The following ANGPTL4 variants were observed in gnomAD, a reference collection of about 807,000 sequenced individuals.
The protein encoded by ANGPTL4 is angiopoietin-related protein 4.
Under a neutral mutation model 39.2 loss-of-function variants are expected in ANGPTL4, and 39 were observed. That is an observed-to-expected ratio of 1.00 (90% CI 0.77 to 1.30). ANGPTL4 has a LOEUF of 1.30. Ranked by LOEUF, ANGPTL4 falls within the 50% of genes most tolerant of loss-of-function variation. ANGPTL4 has a pLI of 0.00. For missense variants in ANGPTL4, 545 were observed against 549.8 expected (o/e 0.99, Z 0.09); for synonymous variants, 233 against 229.5 (o/e 1.02, Z -0.14).
chr19:8,369,740 CACT>C (rs1971078060), intron 4 of ANGPTL4, among the ~76,000 whole-genome samples: 1 of 152,028 alleles, frequency 6.6e-6, no homozygotes, highest in African/African-American at 2.4e-5. Flanking sequence ...AGGCATTAGC[CACT>C]GCTCCTGGCC....
In ANGPTL4 at chr19:8,364,580, A is replaced by C; in HGVS notation, c.259A>C (p.Thr87Pro). ...GSACQGTEGS[T>P]DLPLAPESRV... ...CGCCTGTCAGGGAACCGAGGGGTCC[A>C]CCGACCTCCCGTTAGCCCCTGAGAG... Residue 87 changes from threonine (T) to proline (P), a missense_variant, in exon 1 of 7, where the codon ACC (threonine) becomes CCC (proline). Thr to Pro is a conservative substitution (Grantham distance 38, BLOSUM62 -1). Transcript: ENST00000301455. 1 of 1,588,988 alleles carries C rather than the reference A, an allele frequency of 6.3e-7. No individual in the cohort carries two copies. The highest frequency in any genetic ancestry group is 1.3e-5 in the African/African-American group (1 of 74,604).
chr19:8,372,682 T>C (rs1971147089), intron 6 of ANGPTL4, among the ~76,000 whole-genome samples: 1 of 151,984 alleles, frequency 6.6e-6, no homozygotes, highest in Non-Finnish European at 1.5e-5. Flanking sequence ...TGTTCCCATC[T>C]ACTTGGGAGG....
chr19:8,373,961 C>T lies in ANGPTL4; in HGVS notation c.*75C>T. ...CTCTGCCCGAGGATGTGGCCGTTCC[C>T]TGCCTGGGCAGGGGCTCCAAGGAGG... is the stretch of plus-strand genomic sequence containing the variant. On this transcript the variant is annotated 3_prime_UTR_variant, in exon 7 of 7. Coordinates refer to ENST00000301455, the MANE Select transcript of ANGPTL4 (RefSeq NM_139314.3). 1 of 1,547,028 alleles carries T rather than the reference C, an allele frequency of 6.5e-7. No homozygotes were observed. Among genetic ancestry groups the T allele is most frequent in the Non-Finnish European group, 8.9e-7 (1 of 1,128,008 alleles).
intron 4 of ANGPTL4, among the ~76,000 whole-genome samples, chr19:8,370,719 AAAG>A (rs1971098730): frequency 6.7e-6 from 1 of 148,410 alleles, no homozygotes. Flanking sequence ...AAAAAAAAAA[AAAG>A]AAAGCTTTTT....
intron 4 of ANGPTL4, among the ~76,000 whole-genome samples, chr19:8,370,065 T>A (rs112711963): frequency 0.15 from 22,237 of 151,810 alleles, 2,085 homozygotes; most frequent in Admixed American, 0.21. Flanking sequence ...TAGCCGGGCA[T>A]GGTGGTGTGC....
rs1312955953 is a variant in ANGPTL4, at chr19:8,371,396, AC to A, written c.914del (p.Thr305MetfsTer92). On this transcript the variant is annotated frameshift_variant, in exon 6 of 7. Coordinates refer to ENST00000301455, the MANE Select transcript of ANGPTL4 (RefSeq NM_139314.3). LOFTEE classifies it high-confidence loss of function. This position sits in a 1 kb window ranked among gnomAD's most constrained non-coding sequence, Gnocchi z 5.1. ...GGACACGGCCTATAGCCTGCAGCTCACTGCACCCGTGGCCGGCCAGCTGGGC... is the reference window on the plus strand; with the variant it reads ...GGACACGGCCTATAGCCTGCAGCTCATGCACCCGTGGCCGGCCAGCTGGGC... ...GEDTAYSLQL[T>X]APVAGQLGAT... 3 of 1,613,494 alleles carry A rather than the reference AC, an allele frequency of 1.9e-6. No individual in the cohort carries two copies. The highest frequency in any genetic ancestry group is 1.7e-5 in the Admixed American group (1 of 60,016).
chr19:8,366,432 T>C (rs12985515), intron 3 of ANGPTL4, 113 bp downstream of exon 3: 148,202 of 1,184,036 alleles, frequency 0.13, 10,861 homozygotes, highest in Non-Finnish European at 0.15. Flanking sequence ...TGGCCTGGAG[T>C]CCCTGAGGGC....
rs1441941813 is a variant in ANGPTL4 at position 8,371,223 on chromosome 19, T to C, written c.758-18T>C. 1 of 1,613,720 alleles carries C rather than the reference T, an allele frequency of 6.2e-7. No homozygotes were observed. Among genetic ancestry groups the C allele is most frequent in the South Asian group, 1.1e-5 (1 of 91,052 alleles). ...TCAGAAGTGGCCCTGCCTCATGGAG[T>C]GGCCTCTCCCACTCCAGGCGAGTTC... On this transcript the variant is annotated intron_variant, in intron 5 of 6. Coordinates refer to ENST00000301455, the MANE Select transcript of ANGPTL4 (RefSeq NM_139314.3). The surrounding 1 kb of genome is among the most constrained non-coding windows in gnomAD (Gnocchi z 5.1).
At position 8,371,293 on chromosome 19, in the gene ANGPTL4, C is replaced by G. The variant is rs1271417511; in HGVS notation, c.810C>G (p.Asn270Lys). The G allele has an allele frequency of 1.9e-6, 3 of 1,613,956 alleles. No individual in the cohort carries two copies. Among genetic ancestry groups the G allele is most frequent in the East Asian group, 2.2e-5 (1 of 44,880 alleles). ...TGCATAGCATCACGGGGGACCGCAA[C>G]AGCCGCCTGGCCGTGCAGCTGCGGG... The part of the protein sequence containing the change: ...EKVHSITGDR[N>K]SRLAVQLRDW... The change falls in exon 6 of 7, where the codon AAC becomes AAG. Residue 270 changes from asparagine to lysine, a missense_variant. Coordinates refer to ENST00000301455, the MANE Select transcript of ANGPTL4 (RefSeq NM_139314.3). The surrounding 1 kb of genome is among the most constrained non-coding windows in gnomAD (Gnocchi z 5.1).
chr19:8,372,648 G>C (rs1971146636), intron 6 of ANGPTL4, among the ~76,000 whole-genome samples: 1 of 151,896 alleles, frequency 6.6e-6, no homozygotes. Context: ...CAAAAAACTA[G>C]CTGGGCATGG....
In ANGPTL4 at chr19:8,371,457, C is replaced by T. The variant is rs1392985885; in HGVS notation, c.974C>T (p.Pro325Leu). ...TTVPPSGLSV[P>L]FSTWDQDHDL... ...GTCCCACCCAGCGGCCTCTCCGTAC[C>T]CTTCTCCACTTGGGACCAGGATCAC... is the stretch of plus-strand genomic sequence containing the variant. The change falls in exon 6 of 7, where the codon CCC becomes CTC. Residue 325 changes from proline to leucine, a missense_variant. Physicochemically the swap from Pro to Leu is moderately conservative, Grantham distance 98. Coordinates refer to ENST00000301455, the MANE Select transcript of ANGPTL4 (RefSeq NM_139314.3). The surrounding 1 kb of genome is among the most constrained non-coding windows in gnomAD (Gnocchi z 5.1). 1 of 1,613,362 alleles carries T rather than the reference C, an allele frequency of 6.2e-7. No homozygotes were observed. Among genetic ancestry groups the T allele is most frequent in the South Asian group, 1.1e-5 (1 of 91,082 alleles).
In ANGPTL4 at chr19:8,373,705, G is replaced by A. The variant is rs1971171740; in HGVS notation, c.1040G>A (p.Gly347Glu). 1 of 1,613,892 alleles carries A rather than the reference G, an allele frequency of 6.2e-7. No homozygotes were observed. The highest frequency in any genetic ancestry group is 8.5e-7 in the Non-Finnish European group (1 of 1,180,032). The change falls in exon 7 of 7, where the codon GGA (glycine) becomes GAA (glutamate). Residue 347 changes from glycine (G) to glutamate (E), a missense_variant and splice_region_variant. Gly to Glu is a moderately conservative substitution (Grantham distance 98, BLOSUM62 -2). Transcript: ENST00000301455. ...RDKNCAKSLS[G>E]GWWFGTCSHS... is the part of the protein sequence containing the mutation. Reference sequence around the variant, plus strand: ...GTTCCCTCTCCCCTGACCCCGGCAGGAGGCTGGTGGTTTGGCACCTGCAGC... The same window carrying A: ...GTTCCCTCTCCCCTGACCCCGGCAGAAGGCTGGTGGTTTGGCACCTGCAGC...
chr19:8,364,771 G>A (rs1401314333), intron 1 of ANGPTL4, 132 bp downstream of exon 1: 2 of 1,178,680 alleles, frequency 1.7e-6, no homozygotes, highest in Non-Finnish European at 2.4e-6. Context: ...CAAGGGATGG[G>A]CTCCCCCCTT....
At position 8,371,765 on chromosome 19, in the gene ANGPTL4, T is replaced by G. The variant is rs1169542378; in HGVS notation, c.1039+243T>G. 6.6e-6 allele frequency among the ~76,000 whole-genome samples: 1 copy of G among 152,202 alleles called. No homozygotes were observed. Among genetic ancestry groups the G allele is most frequent in the African/African-American group, 2.4e-5 (1 of 41,450 alleles). ...TTTGTTTATTTATTTATTTATGTAT[T>G]TATTTTTTGAGACGGAGTCTCACTT... is the stretch of plus-strand genomic sequence containing the variant. On this transcript the variant is annotated intron_variant, in intron 6 of 6. Transcript: ENST00000301455. The surrounding 1 kb of genome is among the most constrained non-coding windows in gnomAD (Gnocchi z 5.1).
rs773172996 is a variant in ANGPTL4, at chr19:8,365,933, A to G, written c.319-21A>G. On this transcript the variant is annotated intron_variant, in intron 1 of 6. Coordinates refer to ENST00000301455, the MANE Select transcript of ANGPTL4 (RefSeq NM_139314.3). ...GGGGTAGGCAAGCTGGGTCCTCACC[A>G]AGGTTTTCACCCCTCCCCAGACACA... 9.3e-6 allele frequency: 15 copies of G among 1,606,672 alleles called. No homozygotes were observed. In the South Asian group the frequency reaches 1.7e-4, roughly 18 times the overall value.
chr19:8,372,229 T>C (rs1971135610), intron 6 of ANGPTL4, among the ~76,000 whole-genome samples: 1 of 151,658 alleles, frequency 6.6e-6, no homozygotes, highest in Admixed American at 6.6e-5. Context: ...GATAATTGTT[T>C]TGTATTTTTA....
In ANGPTL4 at chr19:8,369,242, C is replaced by T; in HGVS notation, c.571C>T (p.Leu191=). Reference sequence around the variant, plus strand: ...AGGGCTGCCCAGGGATTGCCAGGAGCTGTTCCAGGTTGGGGAGAGGCAGAG... The same window carrying T: ...AGGGCTGCCCAGGGATTGCCAGGAGTTGTTCCAGGTTGGGGAGAGGCAGAG... ...LHRLPRDCQE[L]FQVGERQSGL... is the part of the protein sequence containing the mutation. Residue 191 remains leucine, a synonymous_variant, in exon 4 of 7, where the codon CTG becomes TTG. Transcript: ENST00000301455. 1 of 1,611,682 alleles carries T rather than the reference C, an allele frequency of 6.2e-7. No individual in the cohort carries two copies. Among genetic ancestry groups the T allele is most frequent in the African/African-American group, 1.3e-5 (1 of 75,004 alleles).
chr19:8,367,578 C>A (rs1387158069), intron 3 of ANGPTL4, among the ~76,000 whole-genome samples: 2 of 152,142 alleles, frequency 1.3e-5, no homozygotes, highest in African/African-American at 4.8e-5. Flanking sequence ...ACCGTGCAGA[C>A]TCATTTCGAC....
At chr19:8,369,408 AAAC>A in intron 4 of ANGPTL4, 76 bp downstream of exon 4, 1 of 1,190,152 alleles carries the variant, frequency 8.4e-7, no homozygotes, top group Non-Finnish European at 1.2e-6. Context: ...AAACAAAACA[AAAC>A]AAAAAAATTA....
Sources: allele counts gnomAD v4.1 joint callset (sites outside exome capture counted in the v4.1 genomes callset), GRCh38; gene constraint gnomAD v4.1.1; non-coding constraint Gnocchi (gnomAD v3.1); transcripts MANE v1.5; gene names NCBI Gene and HGNC (gene_info 2026-07-23, HGNC 2026-07-21).